The following FHIP2B variants were observed in gnomAD, a reference collection of about 807,000 sequenced individuals.
The protein encoded by FHIP2B is FHF complex subunit HOOK interacting protein 2B.
In FHIP2B, 72 loss-of-function variants were observed where a neutral mutation model predicts 84.0. The observed-to-expected ratio is 0.86, with a 90% CI of 0.71 to 1.04. The LOEUF (loss-of-function observed/expected upper bound fraction) is 1.04. Ranked by LOEUF, FHIP2B falls within the 50% of genes least tolerant of loss-of-function variation. The pLI is 0.00. For missense variants in FHIP2B, 972 were observed against 968.9 expected (o/e 1.00, Z -0.04); for synonymous variants, 497 against 418.7 (o/e 1.19, Z -2.28).
At chr8:22,093,717 T>TTTTTTC (rs1825618044) in intron 1 of FHIP2B, among the ~76,000 whole-genome samples, 1 of 120,828 alleles carries the variant, frequency 8.3e-6, no homozygotes, top group African/African-American at 3.4e-5. Context: ...TCTTTTTTTT[T>TTTTTTC]TTTTTTTTTT....
chr8:22,094,660 A>C, intron 2 of FHIP2B, 142 bp downstream of exon 2: 2 of 1,498,314 alleles, frequency 1.3e-6, no homozygotes, highest in Middle Eastern at 3.5e-4. Context: ...GAGACAGAGA[A>C]CCAGACAGAC....
Position 22,100,690 on chromosome 8 carries a change from C to T in FHIP2B, c.1438C>T (p.Pro480Ser), listed in dbSNP as rs1479764915. The change falls in exon 11 of 17, where the codon CCT (proline) becomes TCT (serine). Residue 480 changes from proline to serine, a missense_variant. Physicochemically the swap from Pro to Ser is moderately conservative, Grantham distance 74. Coordinates refer to ENST00000289921, the MANE Select transcript of FHIP2B (RefSeq NM_022749.7). ...GGTCCTGCGCAACCTTGAGGGCCGC[C>T]CTTACGTGGCCTGGGGCTCACCAGA... ...SLVLRNLEGR[P>S]YVAWGSPEPE... is the part of the protein sequence containing the mutation. 2 of 1,606,598 alleles carry T rather than the reference C, an allele frequency of 1.2e-6. No homozygotes were observed. The highest frequency in any genetic ancestry group is 2.2e-5 in the East Asian group (1 of 44,780).
rs764615423 is a variant in FHIP2B at position 22,102,915 on chromosome 8, CG to C, written c.2218del (p.Glu740LysfsTer87). On this transcript the variant is annotated frameshift_variant, in exon 17 of 17. Transcript: ENST00000289921. LOFTEE classifies it high-confidence loss of function. ...HDPRQNVSPA[P>X]EGQV is the part of the protein sequence containing the mutation. The stretch of plus-strand genomic sequence containing the variant: ...CCTCGCCAGAACGTCTCCCCAGCCC[CG>C]GAAGGGCAGGTCTGAGCCAGCACCA... 1 of 1,613,396 alleles carries C rather than the reference CG, an allele frequency of 6.2e-7. No homozygotes were observed. The highest frequency in any genetic ancestry group is 1.1e-5 in the South Asian group (1 of 91,086).
intron 1 of FHIP2B, chr8:22,089,809 G>A: frequency 1.6e-6 from 2 of 1,286,222 alleles, no homozygotes; most frequent in Non-Finnish European, 2.0e-6. Flanking sequence ...CCGTCACCCC[G>A]GGACGTGGGA....
At chr8:22,098,652 T>A in intron 7 of FHIP2B, 33 bp downstream of exon 7, 1 of 1,503,682 alleles carries the variant, frequency 6.7e-7, no homozygotes, top group South Asian at 1.3e-5. Context: ...CCGGCCAGCA[T>A]CTTCAGTTGC....
At chr8:22,095,410 C>T (rs1434350147) in intron 2 of FHIP2B, 1 of 152,280 alleles carries the variant, frequency 6.6e-6, no homozygotes, top group Admixed American at 6.5e-5. Flanking sequence ...CAGTAGCACA[C>T]CCCACCCCCG....
chr8:22,102,915 C>G lies in FHIP2B; in HGVS notation c.2216C>G (p.Pro739Arg), dbSNP rs761821028. The change falls in exon 17 of 17, where the codon CCG (proline) becomes CGG (arginine). Residue 739 changes from proline (P) to arginine (R), a missense_variant. Coordinates refer to ENST00000289921, the MANE Select transcript of FHIP2B (RefSeq NM_022749.7). The stretch of plus-strand genomic sequence containing the variant: ...CCTCGCCAGAACGTCTCCCCAGCCC[C>G]GGAAGGGCAGGTCTGAGCCAGCACC... ...HDPRQNVSPAPEGQV is the reference protein window; with the variant it reads ...HDPRQNVSPAREGQV 15 of 1,613,514 alleles carry G rather than the reference C, an allele frequency of 9.3e-6. No homozygotes were observed. The highest frequency in any genetic ancestry group is 1.3e-5 in the African/African-American group (1 of 75,040).
Position 22,098,132 on chromosome 8 carries a change from C to T in FHIP2B, c.590C>T (p.Thr197Ile). Reference protein sequence around the residue: ...GEPTALPKDTTSHGDKDCSHD... With the variant: ...GEPTALPKDTISHGDKDCSHD... ...CCCACTGCCCTGCCTAAGGACACAA[C>T]CAGCCACGGGGACAAGGACTGCTCC... Residue 197 changes from threonine (T) to isoleucine (I), a missense_variant, in exon 6 of 17, where the codon ACC (threonine) becomes ATC (isoleucine). By Grantham distance (89) the Thr-to-Ile change is moderately conservative. Transcript: ENST00000289921. The T allele has an allele frequency of 6.3e-7, 1 of 1,583,820 alleles. No homozygotes were observed. The highest frequency in any genetic ancestry group is 8.6e-7 in the Non-Finnish European group (1 of 1,165,366).
rs868309863 is a variant in FHIP2B at position 22,095,723 on chromosome 8, A to C, written c.125-614A>C. On this transcript the variant is annotated intron_variant, in intron 2 of 16. Transcript: ENST00000289921. ...GGGGGTGCTCCAAGTCTAGCCCTGA[A>C]GCACCAGAACTTTCTTTAAAACACA... 2.6e-5 allele frequency: 4 copies of C among 152,378 alleles called. No homozygotes were observed. The South Asian group carries it at 8.3e-4, about 32-fold the overall frequency. The allele number at this position is 152,378 out of a possible 1,614,324, so 9.4% of individuals were successfully genotyped here.
Position 22,097,739 on chromosome 8 carries a change from C to T in FHIP2B, c.425C>T (p.Thr142Ile). Reference protein sequence around the residue: ...PVQKLLRLGGTASGSVTEKEE... With the variant: ...PVQKLLRLGGIASGSVTEKEE... ...CAGAAACTCCTCCGACTTGGTGGGA[C>T]TGCTTCCGGATCCGTTACAGAAAAG... is the stretch of plus-strand genomic sequence containing the variant. The change falls in exon 5 of 17, where the codon ACT becomes ATT. Residue 142 changes from threonine to isoleucine, a missense_variant. By Grantham distance (89) the Thr-to-Ile change is moderately conservative (BLOSUM62 -1). Transcript: ENST00000289921. 3.1e-6 allele frequency: 5 copies of T among 1,613,262 alleles called. No homozygotes were observed. Among genetic ancestry groups the T allele is most frequent in the Non-Finnish European group, 4.2e-6 (5 of 1,179,760 alleles).
intron 7 of FHIP2B, 107 bp from the exon 8 acceptor site, chr8:22,098,841 C>A: frequency 1.9e-6 from 2 of 1,057,038 alleles, no homozygotes; most frequent in Non-Finnish European, 2.8e-6. Context: ...GATCCCCAGC[C>A]ACAGAGGTTC....
rs1825854749 is a variant in FHIP2B at position 22,097,702 on chromosome 8, C to T, written c.403-15C>T. Reference sequence around the variant, plus strand: ...CACCCCTCTCCCCTCTGTTTCTGTCCTGGTGCTCTTCCAGAAACTCCTCCG... The same window carrying T: ...CACCCCTCTCCCCTCTGTTTCTGTCTTGGTGCTCTTCCAGAAACTCCTCCG... On this transcript the variant is annotated splice_polypyrimidine_tract_variant and intron_variant, in intron 4 of 16. Coordinates refer to ENST00000289921, the MANE Select transcript of FHIP2B (RefSeq NM_022749.7). The T allele has an allele frequency of 6.2e-7, 1 of 1,612,362 alleles. No individual in the cohort carries two copies. The highest frequency in any genetic ancestry group is 1.1e-5 in the South Asian group (1 of 90,768).
At chr8:22,098,770 TC>T (rs1284724778) in intron 7 of FHIP2B, among the ~76,000 whole-genome samples, 151 bp downstream of exon 7, 2 of 152,174 alleles carry the variant, frequency 1.3e-5, no homozygotes, top group Admixed American at 1.3e-4. Flanking sequence ...CCAGGGGACT[TC>T]TTGCCCTCCA....
chr8:22,101,943 G>A lies in FHIP2B; in HGVS notation c.1851+92G>A, dbSNP rs1008121177. ...TTGGCCACAGGGTTGCCTCTGCTTC[G>A]GTTCTTTGGTGCCACCCCTGTCCTT... On this transcript the variant is annotated intron_variant, in intron 14 of 16. Transcript: ENST00000289921. The A allele has an allele frequency of 3.5e-5, 53 of 1,525,400 alleles. No individual in the cohort carries two copies. The East Asian group carries it at 5.0e-4, about 15-fold the overall frequency. 94.5% of individuals were successfully genotyped at this position (1,525,400 alleles called of 1,614,324 possible).
chr8:22,099,146 A>G, intron 8 of FHIP2B, 90 bp downstream of exon 8: 1 of 1,495,378 alleles, frequency 6.7e-7, no homozygotes, highest in Non-Finnish European at 9.1e-7. Flanking sequence ...ACATGGAAAC[A>G]TGGGGTCCAG....
intron 1 of FHIP2B, among the ~76,000 whole-genome samples, chr8:22,090,920 G>T (rs889732236): frequency 6.6e-6 from 1 of 152,140 alleles, no homozygotes; most frequent in African/African-American, 2.4e-5. Context: ...ACCCGGCTAG[G>T]AGTCAAATTC....
chr8:22,089,937 A>G, intron 1 of FHIP2B: 1 of 967,472 alleles, frequency 1.0e-6, no homozygotes, highest in Non-Finnish European at 1.4e-6. Context: ...CGTGGCTGTG[A>G]CCCCTCACAA....
chr8:22,100,360 G>A (rs1029452523), intron 10 of FHIP2B: 54 of 446,780 alleles, frequency 1.2e-4, no homozygotes, highest in Non-Finnish European at 1.1e-4. Context: ...ACGGAGAAGC[G>A]AATTGGCTTG....
In FHIP2B at chr8:22,103,240, T is replaced by C. The variant is rs142634504; in HGVS notation, c.*309T>C. On this transcript the variant is annotated 3_prime_UTR_variant, in exon 17 of 17. Coordinates refer to ENST00000289921, the MANE Select transcript of FHIP2B (RefSeq NM_022749.7). ...GCTGTGTGCCTGGCCCCTTCTGTACTGGCCATTTGTGGCCAGGGCCAAGCC... is the reference window on the plus strand; with the variant it reads ...GCTGTGTGCCTGGCCCCTTCTGTACCGGCCATTTGTGGCCAGGGCCAAGCC... 310 of 323,464 alleles carry C rather than the reference T, an allele frequency of 9.6e-4. 1 individual carries two copies. The highest frequency in any genetic ancestry group is 6.0e-3 in the African/African-American group (279 of 46,868). The allele number at this position is 323,464 out of a possible 1,614,324, so 20.0% of individuals were successfully genotyped here. A position where few individuals can be genotyped will look rare whatever the true frequency, so the allele number is the denominator to read the frequency against.
Sources: allele counts gnomAD v4.1 joint callset (sites outside exome capture counted in the v4.1 genomes callset), GRCh38; gene constraint gnomAD v4.1.1; transcripts MANE v1.5; gene names NCBI Gene and HGNC (gene_info 2026-07-23, HGNC 2026-07-21).